Variants in CGNL1 observed in about 807,000 individuals in gnomAD.
The protein encoded by CGNL1 is cingulin like 1, also known as cingulin-like protein 1.
A neutral mutation model predicts 141.2 loss-of-function variants in CGNL1; 132 were observed. The observed-to-expected ratio is 0.93, with a 90% CI of 0.81 to 1.08. The LOEUF (loss-of-function observed/expected upper bound fraction) is 1.08. Among genes scored for constraint, CGNL1 ranks in the 50% least tolerant of loss-of-function variants. The probability of loss-of-function intolerance (pLI) is 0.00; values close to 1 mark genes in which losing one functional copy is unlikely to be tolerated. For synonymous variants in CGNL1, 690 were observed against 622.1 expected (o/e 1.11, Z -1.63); for missense variants, 1,870 against 1,588.6 (o/e 1.18, Z -3.01).
At chr15:57,453,036 G>A (rs771636519) in intron 6 of CGNL1, among the ~76,000 whole-genome samples, 1 of 152,162 alleles carries the variant, frequency 6.6e-6, no homozygotes, top group East Asian at 1.9e-4. Context: ...AAAATATAGG[G>A]TATAGTAAAA....
intron 8 of CGNL1, among the ~76,000 whole-genome samples, chr15:57,502,033 A>T (rs1490539080): frequency 6.6e-6 from 1 of 152,222 alleles, no homozygotes; most frequent in Admixed American, 6.5e-5. Flanking sequence ...AGCCTAGAGC[A>T]GTTGGTAATC....
intron 8 of CGNL1, among the ~76,000 whole-genome samples, chr15:57,469,849 C>G (rs2063557452): frequency 6.6e-6 from 1 of 152,156 alleles, no homozygotes. Context: ...TGTCCCTTCC[C>G]TCTTTCCTGC....
Position 57,426,471 on chromosome 15 carries a change from G to C in CGNL1, c.-15-11514G>C, listed in dbSNP as rs139536429. ...CATTTTTTTTTTTTTTTTAAAGACA[G>C]GTTCTCTCTCTGTTGCCCAGGCTGG... On this transcript the variant is annotated intron_variant, in intron 1 of 18. Coordinates refer to ENST00000281282, the MANE Select transcript of CGNL1 (RefSeq NM_032866.5). Among the ~76,000 whole-genome samples, 1,300 of 148,936 alleles carry C rather than the reference G, an allele frequency of 8.7e-3. 16 individuals are homozygous for C. The highest frequency in any genetic ancestry group is 0.031 in the African/African-American group (1,237 of 40,458).
rs144350752 is a variant in CGNL1 at position 57,532,197 on chromosome 15, T to G, written c.3291+418T>G. On this transcript the variant is annotated intron_variant, in intron 14 of 18. Transcript: ENST00000281282. ...AAAAGCACATTCTATCATTAGAAGTTTCTACATGTATCCACAGGTGTCTTG... is the reference window on the plus strand; with the variant it reads ...AAAAGCACATTCTATCATTAGAAGTGTCTACATGTATCCACAGGTGTCTTG... Among the ~76,000 whole-genome samples the G allele has an allele frequency of 5.3e-4, 81 of 152,342 alleles. 1 individual carries two copies. The highest frequency in any genetic ancestry group is 3.4e-3 in the Middle Eastern group (1 of 294).
At chr15:57,435,415 GT>G (rs1298110654) in intron 1 of CGNL1, among the ~76,000 whole-genome samples, 24 of 34,554 alleles carry the variant, frequency 6.9e-4, no homozygotes, top group South Asian at 1.0e-3. Flanking sequence ...AGGTTTTTTT[GT>G]TTTTTTTTTT....
intron 1 of CGNL1, chr15:57,377,134 C>G (rs1333009951): frequency 2.6e-5 from 4 of 152,222 alleles, no homozygotes; most frequent in Non-Finnish European, 4.4e-5. Context: ...CGGGACTTTT[C>G]CAAGTTGCAT....
At chr15:57,451,313 C>A (rs2063319051) in intron 4 of CGNL1, among the ~76,000 whole-genome samples, 187 bp from the exon 5 acceptor site, 1 of 152,142 alleles carries the variant, frequency 6.6e-6, no homozygotes, top group African/African-American at 2.4e-5. Flanking sequence ...CCAAGGCAGG[C>A]AGTAACATTA....
intron 12 of CGNL1, among the ~76,000 whole-genome samples, chr15:57,527,992 C>T (rs1307180280): frequency 1.3e-5 from 2 of 152,218 alleles, no homozygotes; most frequent in Non-Finnish European, 2.9e-5. Flanking sequence ...AGCACGGTGG[C>T]TCATGCCTGC....
chr15:57,541,764 C>T (rs2032577577), intron 14 of CGNL1, among the ~76,000 whole-genome samples: 1 of 152,234 alleles, frequency 6.6e-6, no homozygotes, highest in Non-Finnish European at 1.5e-5. Context: ...CTGTCTCTAG[C>T]CCTGCTCCTG....
At chr15:57,468,552 A>C (rs1261104127) in intron 8 of CGNL1, among the ~76,000 whole-genome samples, 2 of 140,828 alleles carry the variant, frequency 1.4e-5, no homozygotes, top group African/African-American at 5.4e-5. Flanking sequence ...CTTTGGTAAA[A>C]AGTTTGCGTG....
At chr15:57,433,646 T>C (rs1046833084) in intron 1 of CGNL1, among the ~76,000 whole-genome samples, 5 of 152,196 alleles carry the variant, frequency 3.3e-5, no homozygotes, top group Non-Finnish European at 7.3e-5. Flanking sequence ...AATTAGACCC[T>C]ACACCCTGTC....
intron 7 of CGNL1, among the ~76,000 whole-genome samples, chr15:57,460,474 C>T (rs1417551884): frequency 6.6e-6 from 1 of 152,120 alleles, no homozygotes; most frequent in Admixed American, 6.5e-5. Flanking sequence ...CTGTATTAGT[C>T]CATTCTCACA....
chr15:57,396,616 T>C (rs1005595841), intron 1 of CGNL1, among the ~76,000 whole-genome samples: 2 of 152,204 alleles, frequency 1.3e-5, no homozygotes. Flanking sequence ...CGTATACGGC[T>C]CTTTGAGTAC....
chr15:57,546,538 C>T (rs2032878870), intron 18 of CGNL1, among the ~76,000 whole-genome samples: 1 of 152,134 alleles, frequency 6.6e-6, no homozygotes, highest in African/African-American at 2.4e-5. Context: ...TAGCTCACAC[C>T]ATCATGGAGG....
At chr15:57,398,133 AT>A in intron 1 of CGNL1, among the ~76,000 whole-genome samples, 1 of 152,368 alleles carries the variant, frequency 6.6e-6, no homozygotes, top group East Asian at 1.9e-4. Context: ...GAAAAAACCA[AT>A]AGATGCTTAT....
At chr15:57,472,944 G>T (rs1209112603) in intron 8 of CGNL1, among the ~76,000 whole-genome samples, 2 of 152,192 alleles carry the variant, frequency 1.3e-5, no homozygotes, top group Non-Finnish European at 2.9e-5. Context: ...ACGTAGTGGG[G>T]TGCTTGCCTA....
At chr15:57,486,219 A>G (rs1021268887) in intron 8 of CGNL1, among the ~76,000 whole-genome samples, 53 of 152,254 alleles carry the variant, frequency 3.5e-4, no homozygotes, top group African/African-American at 1.1e-3. Flanking sequence ...TGGTCAAGGA[A>G]TTTGGTCCCA....
At chr15:57,440,212 T>C (rs1567119268) in intron 2 of CGNL1, among the ~76,000 whole-genome samples, 165 bp from the exon 3 acceptor site, 1 of 151,474 alleles carries the variant, frequency 6.6e-6, no homozygotes. Flanking sequence ...AATTTACAGG[T>C]GAGAAAATTG....
chr15:57,398,696 C>G (rs2062628480), intron 1 of CGNL1, among the ~76,000 whole-genome samples: 1 of 152,302 alleles, frequency 6.6e-6, no homozygotes, highest in East Asian at 1.9e-4. Context: ...ATTGAGTTTA[C>G]TCAAACCGGC....
Sources: gnomAD v4.1 joint callset for allele counts (sites outside exome capture counted in the v4.1 genomes callset) on GRCh38, gnomAD v4.1.1 for gene constraint, MANE v1.5 for transcripts, NCBI Gene and HGNC (gene_info 2026-07-23, HGNC 2026-07-21) for gene names.